Variants in SMURF2 observed in about 807,000 individuals in gnomAD.
SMURF2 encodes the protein SMAD specific E3 ubiquitin protein ligase 2, also known as E3 ubiquitin-protein ligase SMURF2.
SMURF2 carries 48 observed loss-of-function variants against 109.6 expected under a neutral mutation model. The ratio of observed to expected loss-of-function variants is 0.44; its 90% CI spans 0.35 to 0.56. The LOEUF (loss-of-function observed/expected upper bound fraction) is 0.56, where lower values mean the gene tolerates loss of function less well. Among genes scored for constraint, SMURF2 ranks in the 20% least tolerant of loss-of-function variants. The probability of loss-of-function intolerance (pLI) is 0.01; values close to 1 mark genes in which losing one functional copy is unlikely to be tolerated. For synonymous variants in SMURF2, 288 were observed against 317.1 expected (o/e 0.91, Z 0.97); for missense variants, 575 against 909.0 (o/e 0.63, Z 4.72).
At chr17:64,576,300 G>A (rs1461781969) in intron 9 of SMURF2, among the ~76,000 whole-genome samples, 1 of 152,048 alleles carries the variant, frequency 6.6e-6, no homozygotes, top group African/African-American at 2.4e-5. Context: ...TCTTTTTGAA[G>A]TTAAAAGTAA....
At chr17:64,630,783 T>G (rs1970327870) in intron 1 of SMURF2, among the ~76,000 whole-genome samples, 1 of 152,226 alleles carries the variant, frequency 6.6e-6, no homozygotes, top group Admixed American at 6.5e-5. Context: ...AGGCTCCAGC[T>G]AAGGGCTGTC....
rs782506272 is a variant in SMURF2, at chr17:64,547,565, C to T, written c.2071+35G>A. On this transcript the variant is annotated intron_variant, in intron 17 of 18. Coordinates refer to ENST00000262435, the MANE Select transcript of SMURF2 (RefSeq NM_022739.4). This position sits in a 1 kb window ranked among gnomAD's most constrained non-coding sequence, Gnocchi z 4.2. The stretch of plus-strand genomic sequence containing the variant: ...CCCACGCTGACAGCCCCGCCCCCAC[C>T]CGCTGCCCAGCTTGCCTGCACCTCA... 3.7e-6 allele frequency: 6 copies of T among 1,602,400 alleles called. No individual in the cohort carries two copies. The South Asian group carries it at 4.4e-5, about 12-fold the overall frequency.
rs111934893 is a variant in SMURF2, at chr17:64,661,976, C to G, written c.-96G>C. On this transcript the variant is annotated 5_prime_UTR_variant, in exon 1 of 19. Coordinates refer to ENST00000262435, the MANE Select transcript of SMURF2 (RefSeq NM_022739.4). ...ACAGCGGCCGGGGCTGGGGCCCGAG[C>G]AGCCGGCGCCTCGGCCGCCACGGCC... 8.9e-7 allele frequency: 1 copy of G among 1,117,490 alleles called. No individual in the cohort carries two copies. The allele number at this position is 1,117,490 out of a possible 1,614,324, so 69.2% of individuals were successfully genotyped here. A position where few individuals can be genotyped will look rare whatever the true frequency, so the allele number is the denominator to read the frequency against.
At chr17:64,553,013 AT>A (rs199800524) in intron 15 of SMURF2, among the ~76,000 whole-genome samples, 1 of 151,920 alleles carries the variant, frequency 6.6e-6, no homozygotes, top group Non-Finnish European at 1.5e-5. Context: ...CTGTTCTTTC[AT>A]TTTTTTTAAG....
chr17:64,639,403 C>A (rs748800855), intron 1 of SMURF2, among the ~76,000 whole-genome samples: 5 of 151,866 alleles, frequency 3.3e-5, no homozygotes, highest in Non-Finnish European at 5.9e-5. Flanking sequence ...ATGGGAAAAC[C>A]CTGTCTCTAC....
Position 64,542,957 on chromosome 17 carries a change from C to T in SMURF2, c.*2891G>A, listed in dbSNP as rs1465313562. 1 of 152,120 alleles carries T rather than the reference C, an allele frequency of 6.6e-6. No individual in the cohort carries two copies. The highest frequency in any genetic ancestry group is 1.5e-5 in the Non-Finnish European group (1 of 68,050). The allele number at this position is 152,120 out of a possible 1,614,324, so 9.4% of individuals were successfully genotyped here. On this transcript the variant is annotated 3_prime_UTR_variant, in exon 19 of 19. Transcript: ENST00000262435. The stretch of plus-strand genomic sequence containing the variant: ...GGCAAGACTTACCTCTCTGTACTGC[C>T]TATGAGCTCTACAAAGGAATCTCTG...
intron 4 of SMURF2, among the ~76,000 whole-genome samples, chr17:64,592,205 C>T (rs1253465658): frequency 6.6e-6 from 1 of 152,212 alleles, no homozygotes; most frequent in African/African-American, 2.4e-5. Context: ...CTCCTTTATA[C>T]AGCCAGGGTT....
chr17:64,583,797 G>A (rs781938968), intron 6 of SMURF2, among the ~76,000 whole-genome samples: 19 of 152,038 alleles, frequency 1.2e-4, no homozygotes, highest in Admixed American at 9.2e-4. Flanking sequence ...TTTTAATAAT[G>A]TCAACAATAC....
intron 10 of SMURF2, among the ~76,000 whole-genome samples, chr17:64,566,561 G>GTTTTTTTTTTTTTTGTTTTTTTTTTT (rs1969307041): frequency 2.3e-5 from 1 of 43,784 alleles, no homozygotes; most frequent in Non-Finnish European, 4.2e-5. Context: ...AAGCTTTCTG[G>GTTTTTTTTTTTTTTGTTTTTTTTTTT]TTTTTTTTTT....
chr17:64,644,244 G>C (rs1305979732), intron 1 of SMURF2, among the ~76,000 whole-genome samples: 1 of 151,992 alleles, frequency 6.6e-6, no homozygotes, highest in African/African-American at 2.4e-5. Context: ...CCTTCAAAGC[G>C]CTGGGATTTC....
At chr17:64,645,619 T>C (rs1970548786) in intron 1 of SMURF2, among the ~76,000 whole-genome samples, 1 of 152,186 alleles carries the variant, frequency 6.6e-6, no homozygotes, top group African/African-American at 2.4e-5. Context: ...AAGAGAATAA[T>C]TGGACATGCA....
intron 10 of SMURF2, 38 bp downstream of exon 10, chr17:64,571,760 T>C: frequency 6.4e-7 from 1 of 1,572,026 alleles, no homozygotes; most frequent in Non-Finnish European, 8.7e-7. Context: ...TCATCATGTT[T>C]AACTCCCATT....
rs1555683040 is a variant in SMURF2, at chr17:64,545,745, G to GA, written c.*102_*103insT. ...AAAAAAAAAAAAAAGGGGGGGGGGG[G>GA]GAGTGTTTTCCTGTATTTCAGCATA... On this transcript the variant is annotated 3_prime_UTR_variant, in exon 19 of 19. Coordinates refer to ENST00000262435, the MANE Select transcript of SMURF2 (RefSeq NM_022739.4). The GA allele has an allele frequency of 5.5e-6, 2 of 363,764 alleles. No individual in the cohort carries two copies. Among genetic ancestry groups the GA allele is most frequent in the Non-Finnish European group, 9.7e-6 (2 of 205,236 alleles). The allele number at this position is 363,764 out of a possible 1,614,324, so 22.5% of individuals were successfully genotyped here. A position where few individuals can be genotyped will look rare whatever the true frequency, so the allele number is the denominator to read the frequency against.
At chr17:64,646,485 G>C (rs941204640) in intron 1 of SMURF2, among the ~76,000 whole-genome samples, 1 of 151,210 alleles carries the variant, frequency 6.6e-6, no homozygotes, top group Admixed American at 6.6e-5. Flanking sequence ...CTGGGCTCGA[G>C]CCATCCTCCC....
chr17:64,589,556 A>C (rs1969720695), intron 5 of SMURF2, among the ~76,000 whole-genome samples: 1 of 151,892 alleles, frequency 6.6e-6, no homozygotes, highest in Admixed American at 6.6e-5. Context: ...GTGGCAGGTG[A>C]GTGAGCATTA....
rs1165239965 is a variant in SMURF2 at position 64,551,475 on chromosome 17, A to G, written c.1869+109T>C. 4.0e-6 allele frequency: 5 copies of G among 1,249,724 alleles called. No individual in the cohort carries two copies. In the East Asian group the frequency reaches 1.2e-4, roughly 30 times the overall value. The allele number at this position is 1,249,724 out of a possible 1,614,324, so 77.4% of individuals were successfully genotyped here. A position where few individuals can be genotyped will look rare whatever the true frequency, so the allele number is the denominator to read the frequency against. ...AATAAGAATTCTCAAGCATAGAACC[A>G]TGAAACTTAGAAAGCACCAGAAATA... On this transcript the variant is annotated intron_variant, in intron 16 of 18. Transcript: ENST00000262435.
chr17:64,597,988 A>C (rs1166031907), intron 3 of SMURF2, among the ~76,000 whole-genome samples: 1 of 152,154 alleles, frequency 6.6e-6, no homozygotes, highest in Non-Finnish European at 1.5e-5. Flanking sequence ...AAAGGTGCAT[A>C]TACTCCAATG....
At chr17:64,595,219 AC>A (rs1969801699) in intron 3 of SMURF2, among the ~76,000 whole-genome samples, 1 of 152,200 alleles carries the variant, frequency 6.6e-6, no homozygotes, top group Non-Finnish European at 1.5e-5. Flanking sequence ...CTAATTATAG[AC>A]CTTCTGGAAG....
At chr17:64,578,381 C>A in intron 9 of SMURF2, 111 bp downstream of exon 9, 1 of 716,614 alleles carries the variant, frequency 1.4e-6, no homozygotes, top group South Asian at 1.9e-5. Context: ...TCAGAAGAGT[C>A]AAACTTTTAC....
Sources: allele counts gnomAD v4.1 joint callset (sites outside exome capture counted in the v4.1 genomes callset), GRCh38; gene constraint gnomAD v4.1.1; non-coding constraint Gnocchi (gnomAD v3.1); transcripts MANE v1.5; gene names NCBI Gene and HGNC (gene_info 2026-07-23, HGNC 2026-07-21).